Variants in C8orf74 observed in about 807,000 individuals in gnomAD.
C8orf74 encodes uncharacterized protein C8orf74.
In C8orf74, 29 loss-of-function variants were observed where a neutral mutation model predicts 22.2. The ratio of observed to expected loss-of-function variants is 1.31; its 90% CI spans 0.97 to 1.78. The LOEUF is 1.78. C8orf74 is among the 40% of genes most tolerant of loss of function. The pLI, the probability that C8orf74 is intolerant of heterozygous loss-of-function variation, is 0.00. For synonymous variants in C8orf74, 255 were observed against 163.1 expected (o/e 1.56, Z -4.30); for missense variants, 515 against 369.9 (o/e 1.39, Z -3.22).
chr8:10,679,458 A>C (rs943668874), intron 2 of C8orf74, among the ~76,000 whole-genome samples: 4 of 151,988 alleles, frequency 2.6e-5, no homozygotes, highest in African/African-American at 9.7e-5. Flanking sequence ...CCCAGCCCTA[A>C]CCTTGATCTT....
intron 2 of C8orf74, among the ~76,000 whole-genome samples, chr8:10,696,006 G>A (rs1009016237): frequency 6.6e-6 from 1 of 152,132 alleles, no homozygotes; most frequent in African/African-American, 2.4e-5. Context: ...TTTCCAGGAC[G>A]GTGTCTGCGA....
At position 10,690,569 on chromosome 8, in the gene C8orf74, G is replaced by A. The variant is rs528513279; in HGVS notation, c.242-7030G>A. On this transcript the variant is annotated intron_variant, in intron 2 of 3. Coordinates refer to ENST00000304519, the MANE Select transcript of C8orf74 (RefSeq NM_001040032.2). Reference sequence around the variant, plus strand: ...GTAGCCTGACTTGGTTCCTGCCCCTGGGAGGCAAGATGGGGGAACCAAACT... The same window carrying A: ...GTAGCCTGACTTGGTTCCTGCCCCTAGGAGGCAAGATGGGGGAACCAAACT... Among the ~76,000 whole-genome samples the A allele has an allele frequency of 3.3e-4, 51 of 152,282 alleles. 1 individual carries two copies. Among genetic ancestry groups the A allele is most frequent in the African/African-American group, 1.2e-3 (51 of 41,558 alleles).
intron 2 of C8orf74, among the ~76,000 whole-genome samples, chr8:10,686,197 T>C (rs1799259003): frequency 1.3e-5 from 2 of 152,252 alleles, no homozygotes; most frequent in African/African-American, 4.8e-5. Flanking sequence ...TTCATATATC[T>C]TCCATTCACT....
chr8:10,691,403 C>T (rs58701956), intron 2 of C8orf74: 1,840 of 159,902 alleles, frequency 0.012, 34 homozygotes, highest in African/African-American at 0.042. Flanking sequence ...GGCTCAGAGG[C>T]TGGCCTTCGC....
In C8orf74 at chr8:10,697,919, G is replaced by T. The variant is rs528467801; in HGVS notation, c.562G>T (p.Ala188Ser). The T allele has an allele frequency of 1.2e-6, 2 of 1,600,884 alleles. No individual in the cohort carries two copies. The highest frequency in any genetic ancestry group is 1.1e-5 in the South Asian group (1 of 90,436). ...CGCCGACGTGCTGCTCCTGAAAGAG[G>T]CGCTGCGCCTGGAGCGGGAGAACTC... is the stretch of plus-strand genomic sequence containing the variant. ...KRADVLLLKE[A>S]LRLERENSLQ... The change falls in exon 3 of 4, where the codon GCG (alanine) becomes TCG (serine). Residue 188 changes from alanine (A) to serine (S), a missense_variant. Coordinates refer to ENST00000304519, the MANE Select transcript of C8orf74 (RefSeq NM_001040032.2).
At chr8:10,695,584 T>C (rs974898411) in intron 2 of C8orf74, among the ~76,000 whole-genome samples, 1 of 152,076 alleles carries the variant, frequency 6.6e-6, no homozygotes, top group South Asian at 2.1e-4. Context: ...TTTGGGGAGA[T>C]TCAAGGTGAA....
rs75695714 is a variant in C8orf74 at position 10,682,986 on chromosome 8, T to C, written c.241+8148T>C. On this transcript the variant is annotated intron_variant, in intron 2 of 3. Transcript: ENST00000304519. Reference sequence around the variant, plus strand: ...AACTTGCCCAAGGCCGCACCTCGAGTGAGTGGTGTTGGGATTTGAACCCAG... The same window carrying C: ...AACTTGCCCAAGGCCGCACCTCGAGCGAGTGGTGTTGGGATTTGAACCCAG... Among the ~76,000 whole-genome samples, 1,264 of 152,214 alleles carry C rather than the reference T, an allele frequency of 8.3e-3. 24 individuals are homozygous for C. The highest frequency in any genetic ancestry group is 0.029 in the African/African-American group (1,191 of 41,524).
At chr8:10,680,433 C>T (rs777435958) in intron 2 of C8orf74, among the ~76,000 whole-genome samples, 38 of 152,342 alleles carry the variant, frequency 2.5e-4, no homozygotes, top group Non-Finnish European at 4.3e-4. Flanking sequence ...TACCATATGG[C>T]TGGAGGGGAC....
At chr8:10,678,101 T>G (rs1799070755) in intron 2 of C8orf74, among the ~76,000 whole-genome samples, 1 of 152,180 alleles carries the variant, frequency 6.6e-6, no homozygotes, top group African/African-American at 2.4e-5. Flanking sequence ...AAACAAGCTC[T>G]TAGGTGGGCT....
chr8:10,678,408 G>A (rs1799077731), intron 2 of C8orf74, among the ~76,000 whole-genome samples: 1 of 152,122 alleles, frequency 6.6e-6, no homozygotes, highest in South Asian at 2.1e-4. Context: ...CTGGGAACTC[G>A]AGGGAGCAGG....
intron 2 of C8orf74, among the ~76,000 whole-genome samples, chr8:10,693,422 T>A (rs1799425775): frequency 6.6e-6 from 1 of 152,088 alleles, no homozygotes; most frequent in African/African-American, 2.4e-5. Flanking sequence ...TCCCCACTCC[T>A]CAACCACCTC....
chr8:10,697,153 G>C (rs1284352268), intron 2 of C8orf74, among the ~76,000 whole-genome samples: 1 of 152,170 alleles, frequency 6.6e-6, no homozygotes, highest in Admixed American at 6.5e-5. Context: ...AAGAATTGCA[G>C]TTAGGGCCGG....
At chr8:10,697,491 G>A (rs1197482017) in intron 2 of C8orf74, 108 bp from the exon 3 acceptor site, 2 of 861,452 alleles carry the variant, frequency 2.3e-6, no homozygotes, top group Admixed American at 4.8e-5. Context: ...AAATGCAGTG[G>A]GGACATGGGC....
intron 2 of C8orf74, among the ~76,000 whole-genome samples, chr8:10,677,657 G>A (rs1216335306): frequency 1.3e-5 from 2 of 151,658 alleles, no homozygotes; most frequent in Admixed American, 1.3e-4. Context: ...CCCCTCTCTT[G>A]CTGCCCTCAT....
At chr8:10,691,386 A>G (rs776507568) in intron 2 of C8orf74, 13 of 166,916 alleles carry the variant, frequency 7.8e-5, no homozygotes, top group Non-Finnish European at 1.3e-4. Context: ...CTGGGGCTGA[A>G]CAGAAGGGCT....
At chr8:10,681,178 G>A (rs757350190) in intron 2 of C8orf74, among the ~76,000 whole-genome samples, 4 of 152,096 alleles carry the variant, frequency 2.6e-5, no homozygotes, top group Non-Finnish European at 4.4e-5. Flanking sequence ...GGGAGGGAAG[G>A]TGGCCCTTTC....
intron 2 of C8orf74, among the ~76,000 whole-genome samples, chr8:10,696,074 C>T (rs761963600): frequency 1.3e-5 from 2 of 152,142 alleles, no homozygotes; most frequent in African/African-American, 2.4e-5. Context: ...TTGCCTATCT[C>T]TCTGCCTGGT....
At chr8:10,673,954 C>T (rs548123522) in intron 1 of C8orf74, among the ~76,000 whole-genome samples, 1 of 138,574 alleles carries the variant, frequency 7.2e-6, no homozygotes, top group Admixed American at 7.3e-5. Context: ...TACCCTCCGA[C>T]CCCCATATCA....
At chr8:10,696,181 C>T (rs1799493216) in intron 2 of C8orf74, among the ~76,000 whole-genome samples, 1 of 151,882 alleles carries the variant, frequency 6.6e-6, no homozygotes, top group Non-Finnish European at 1.5e-5. Context: ...ATGGGAGAGC[C>T]CTGCCTCTGA....
Sources: gnomAD v4.1 joint callset for allele counts (sites outside exome capture counted in the v4.1 genomes callset) on GRCh38, gnomAD v4.1.1 for gene constraint, MANE v1.5 for transcripts, NCBI Gene and HGNC (gene_info 2026-07-23, HGNC 2026-07-21) for gene names.